Variants in SYNE1 observed in about 807,000 individuals in gnomAD.
SYNE1 encodes the protein spectrin repeat containing nuclear envelope protein 1, also known as nesprin-1.
A neutral mutation model predicts 1,111.0 loss-of-function variants in SYNE1; 616 were observed. That is an observed-to-expected ratio of 0.55 (90% CI 0.52 to 0.59). The LOEUF is 0.59. Among genes scored for constraint, SYNE1 ranks in the 20% least tolerant of loss-of-function variants. The pLI is 0.00. For synonymous variants in SYNE1, 3,855 were observed against 3,825.8 expected (o/e 1.01, Z -0.28); for missense variants, 10,006 against 10,417.0 (o/e 0.96, Z 1.72).
intron 53 of SYNE1, among the ~76,000 whole-genome samples, chr6:152,389,410 T>G (rs2097574216): frequency 1.3e-5 from 2 of 152,180 alleles, no homozygotes; most frequent in Admixed American, 1.3e-4. Context: ...TTGTATGAAC[T>G]TTAATCTTCT....
intron 6 of SYNE1, among the ~76,000 whole-genome samples, chr6:152,512,622 C>T (rs2099090726): frequency 6.6e-6 from 1 of 152,136 alleles, no homozygotes; most frequent in South Asian, 2.1e-4. Context: ...TATCCTACCT[C>T]GACCCAGTTC....
intron 3 of SYNE1, among the ~76,000 whole-genome samples, chr6:152,611,529 C>T (rs1031243320): frequency 2.6e-5 from 4 of 152,242 alleles, no homozygotes; most frequent in African/African-American, 9.6e-5. Flanking sequence ...GAGACTTAGA[C>T]TCCCACAGAA....
At chr6:152,573,307 T>G (rs934875982) in intron 3 of SYNE1, among the ~76,000 whole-genome samples, 1 of 149,354 alleles carries the variant, frequency 6.7e-6, no homozygotes, top group South Asian at 2.2e-4. Context: ...GCATTAGGTA[T>G]ATCTCCTAAT....
intron 3 of SYNE1, among the ~76,000 whole-genome samples, chr6:152,569,656 G>T (rs1213262059): frequency 6.6e-6 from 1 of 152,032 alleles, no homozygotes; most frequent in Non-Finnish European, 1.5e-5. Context: ...AGAAATGGAG[G>T]AAGAAAAAAG....
At chr6:152,453,339 A>AG (rs1053863000) in intron 25 of SYNE1, 56 of 617,970 alleles carry the variant, frequency 9.1e-5, no homozygotes, top group Non-Finnish European at 1.3e-4. Flanking sequence ...TTAAAAAAAA[A>AG]TCAGGAAACC....
chr6:152,143,361 C>T (rs538828523), intron 138 of SYNE1, among the ~76,000 whole-genome samples: 2 of 152,154 alleles, frequency 1.3e-5, no homozygotes, highest in South Asian at 4.1e-4. Context: ...TTTTGTTGCT[C>T]TCAATGAAAA....
In SYNE1 at chr6:152,451,112, C is replaced by A. The variant is rs1275993590; in HGVS notation, c.3121G>T (p.Glu1041Ter). 3.1e-6 allele frequency: 5 copies of A among 1,614,166 alleles called. No individual in the cohort carries two copies. Among genetic ancestry groups the A allele is most frequent in the Non-Finnish European group, 4.2e-6 (5 of 1,180,038 alleles). The change falls in exon 26 of 146, where the codon GAG (glutamate) becomes TAG (stop). Residue 1041 changes from glutamate (E) to a stop codon, truncating the protein, a stop_gained. Transcript: ENST00000367255. LOFTEE classifies it high-confidence loss of function. ...ATCAGCTTGGTCTCTCGATCCAGCT[C>A]AGTTCTGCATTCTTCTACAGAGGCT... Reference protein sequence around the residue: ...FLASVEECRTELDRETKLMPQ... With the variant: ...FLASVEECRT
chr6:152,263,026 A>G (rs2092242822), intron 100 of SYNE1, among the ~76,000 whole-genome samples: 1 of 150,984 alleles, frequency 6.6e-6, no homozygotes, highest in Non-Finnish European at 1.5e-5. Context: ...GAAAGATAGT[A>G]CAGGGCCTGG....
intron 42 of SYNE1, among the ~76,000 whole-genome samples, chr6:152,410,568 C>G (rs1030229247): frequency 9.9e-5 from 15 of 152,120 alleles, no homozygotes; most frequent in African/African-American, 3.6e-4. Context: ...AATATTGTCT[C>G]TACTAAAAAT....
At chr6:152,334,544 A>C (rs1213609402) in intron 76 of SYNE1, among the ~76,000 whole-genome samples, 1 of 152,242 alleles carries the variant, frequency 6.6e-6, no homozygotes, top group Non-Finnish European at 1.5e-5. Flanking sequence ...AAAAACTAAT[A>C]CATGTGAAAC....
chr6:152,229,784 T>C (rs1374616861), intron 115 of SYNE1, among the ~76,000 whole-genome samples: 2 of 152,158 alleles, frequency 1.3e-5, no homozygotes, highest in Admixed American at 6.6e-5. Context: ...ATGTAGCATA[T>C]GCATATTGTT....
At position 152,298,128 on chromosome 6, in the gene SYNE1, G is replaced by C. The variant is rs1329821597; in HGVS notation, c.17682+2513C>G. ...GCTACTATTTGATCAGTATTTTCTA[G>C]TTTAAAAAGCACTTTCACGATTCAT... On this transcript the variant is annotated intron_variant, in intron 93 of 145. Transcript: ENST00000367255. 1.3e-5 allele frequency among the ~76,000 whole-genome samples: 2 copies of C among 152,122 alleles called. 1 individual carries two copies. The highest frequency in any genetic ancestry group is 1.3e-4 in the Admixed American group (2 of 15,270).
chr6:152,440,503 G>T (rs1288830343), intron 32 of SYNE1, among the ~76,000 whole-genome samples: 1 of 150,838 alleles, frequency 6.6e-6, no homozygotes, highest in African/African-American at 2.4e-5. Context: ...TCTGTATTTT[G>T]CTCCAAACTC....
chr6:152,164,222 G>A lies in SYNE1; in HGVS notation c.23731C>T (p.Pro7911Ser). 2 of 1,614,126 alleles carry A rather than the reference G, an allele frequency of 1.2e-6. No homozygotes were observed. The highest frequency in any genetic ancestry group is 1.7e-6 in the Non-Finnish European group (2 of 1,180,040). The change falls in exon 131 of 146, where the codon CCA becomes TCA. Residue 7911 changes from proline to serine, a missense_variant. By Grantham distance (74) the Pro-to-Ser change is moderately conservative (BLOSUM62 -1). This residue lies in a region of SYNE1 where 2,182 missense variants were observed against 2,287.8 expected (regional missense o/e 0.95). Coordinates refer to ENST00000367255, the MANE Select transcript of SYNE1 (RefSeq NM_182961.4). ...GAGTTACAGGAATCGTAGACTATTG[G>A]CTTGGCCAGCTCTGACTCGATGTGA... ...LAHIESELAKPIVYDSCNSEE... is the reference protein window; with the variant it reads ...LAHIESELAKSIVYDSCNSEE...
At chr6:152,261,885 G>C (rs2153649111) in intron 101 of SYNE1, 147 bp downstream of exon 101, 1 of 574,498 alleles carries the variant, frequency 1.7e-6, no homozygotes, top group East Asian at 2.9e-5. Context: ...AAATAGACTT[G>C]TTAAGAAAAA....
rs1450243909 is a variant in SYNE1, at chr6:152,435,852, T to A, written c.4310+89A>T. On this transcript the variant is annotated intron_variant, in intron 33 of 145. Coordinates refer to ENST00000367255, the MANE Select transcript of SYNE1 (RefSeq NM_182961.4). ...TGAAATACACAGACACTTTGAGATTTTAAAAGAGTGTTTTGAATACAAGGT... is the reference window on the plus strand; with the variant it reads ...TGAAATACACAGACACTTTGAGATTATAAAAGAGTGTTTTGAATACAAGGT... The A allele has an allele frequency of 3.3e-6, 5 of 1,497,510 alleles. No homozygotes were observed. In the African/African-American group the frequency reaches 6.9e-5, roughly 21 times the overall value. 92.8% of individuals were successfully genotyped at this position (1,497,510 alleles called of 1,614,324 possible). A position where few individuals can be genotyped will look rare whatever the true frequency, so the allele number is the denominator to read the frequency against.
rs140658574 is a variant in SYNE1 at position 152,354,093 on chromosome 6, C to T, written c.10927-349G>A. On this transcript the variant is annotated intron_variant, in intron 67 of 145. Coordinates refer to ENST00000367255, the MANE Select transcript of SYNE1 (RefSeq NM_182961.4). ...CTACAGAGGTTACAGTGAGCTGAGA[C>T]CGCACCACTGCACTCCAGCTTGGGC... 8.4e-3 allele frequency among the ~76,000 whole-genome samples: 1,278 copies of T among 152,146 alleles called. 15 individuals carry two copies. The highest frequency in any genetic ancestry group is 0.028 in the African/African-American group (1,170 of 41,506).
chr6:152,363,448 C>T (rs907689799), intron 63 of SYNE1, among the ~76,000 whole-genome samples: 52 of 150,824 alleles, frequency 3.4e-4, no homozygotes, highest in African/African-American at 1.2e-3. Flanking sequence ...GAGCCGAGAT[C>T]GTGCCACTGC....
chr6:152,334,408 G>A, intron 76 of SYNE1, 135 bp from the exon 77 acceptor site: 3 of 995,498 alleles, frequency 3.0e-6, no homozygotes, highest in South Asian at 1.6e-5. Context: ...TGTATAATAA[G>A]TTATGGGAAA....
Sources: gnomAD v4.1 joint callset for allele counts (sites outside exome capture counted in the v4.1 genomes callset) on GRCh38, gnomAD v4.1.1 for gene constraint, gnomAD v4.1.1 regional missense constraint, MANE v1.5 for transcripts, NCBI Gene and HGNC (gene_info 2026-07-23, HGNC 2026-07-21) for gene names.